Variants in CREB5 observed in about 807,000 individuals in gnomAD.
The protein encoded by CREB5 is cyclic AMP-responsive element-binding protein 5.
CREB5 carries 19 observed loss-of-function variants against 57.1 expected under a neutral mutation model. The observed-to-expected ratio is 0.33, with a 90% CI of 0.23 to 0.49. The LOEUF is 0.49. CREB5 is among the 20% of genes least tolerant of loss of function. The pLI, the probability that CREB5 is intolerant of heterozygous loss-of-function variation, is 0.99. For missense variants in CREB5, 579 were observed against 671.6 expected (o/e 0.86, Z 1.52); for synonymous variants, 238 against 238.3 (o/e 1.00, Z 0.01).
At chr7:28,418,409 A>G (rs770432469) in intron 1 of CREB5, among the ~76,000 whole-genome samples, 6 of 152,194 alleles carry the variant, frequency 3.9e-5, no homozygotes, top group Non-Finnish European at 7.3e-5. Flanking sequence ...TGTGAAGTCT[A>G]CAGACAGAAT....
At position 28,374,843 on chromosome 7, in the gene CREB5, A is replaced by G. The variant is rs1341566071; in HGVS notation, c.-25+75402A>G. 3.3e-5 allele frequency among the ~76,000 whole-genome samples: 5 copies of G among 152,332 alleles called. No individual in the cohort carries two copies. In the East Asian group the frequency reaches 7.7e-4, roughly 23 times the overall value. On this transcript the variant is annotated intron_variant, in intron 1 of 9. Transcript: ENST00000396299. ...TCCCAGGTTCACCTCATGCCCAGGT[A>G]GCCCTTGATAGGAGGTCACTCAGTG... is the stretch of plus-strand genomic sequence containing the variant.
intron 7 of CREB5, among the ~76,000 whole-genome samples, chr7:28,763,158 CT>C (rs36062705): frequency 0.23 from 35,159 of 152,012 alleles, 5,024 homozygotes; most frequent in Non-Finnish European, 0.32. Flanking sequence ...TGAGTTTCTC[CT>C]GATTTTCTAT....
chr7:28,431,016 C>T (rs1788688957), intron 1 of CREB5, among the ~76,000 whole-genome samples: 1 of 152,144 alleles, frequency 6.6e-6, no homozygotes, highest in East Asian at 1.9e-4. Context: ...GGCTGTTGGC[C>T]TGAGACATTA....
At position 28,608,519 on chromosome 7, in the gene CREB5, C is replaced by T. The variant is rs184190897; in HGVS notation, c.464+37982C>T. Among the ~76,000 whole-genome samples the T allele has an allele frequency of 5.3e-5, 8 of 152,226 alleles. No individual in the cohort carries two copies. The East Asian group carries it at 7.7e-4, about 15-fold the overall frequency. ...GGTTGTTAAGGATGATGCTCTGAAA[C>T]TTCATATTATTCAGTCCCAGTCTCC... On this transcript the variant is annotated intron_variant, in intron 5 of 10. Transcript: ENST00000357727.
chr7:28,616,101 G>A (rs1200024681), intron 5 of CREB5, among the ~76,000 whole-genome samples: 1 of 152,146 alleles, frequency 6.6e-6, no homozygotes, highest in Non-Finnish European at 1.5e-5. Context: ...AGTTTAATAA[G>A]TTTCTCTGTT....
intron 1 of CREB5, among the ~76,000 whole-genome samples, chr7:28,466,366 G>GAAAGAAAA (rs1389561551): frequency 2.8e-4 from 43 of 152,278 alleles, no homozygotes; most frequent in African/African-American, 9.4e-4. Context: ...AATCAGTCTT[G>GAAAGAAAA]AAAGAAAAGT....
intron 7 of CREB5, among the ~76,000 whole-genome samples, chr7:28,776,783 G>C (rs1312247025): frequency 6.6e-6 from 1 of 152,148 alleles, no homozygotes; most frequent in African/African-American, 2.4e-5. Context: ...CATAAAAATG[G>C]GATCTGTTAT....
intron 3 of CREB5, among the ~76,000 whole-genome samples, chr7:28,502,240 T>G (rs1489447120): frequency 1.3e-5 from 2 of 152,216 alleles, no homozygotes; most frequent in Admixed American, 6.5e-5. Flanking sequence ...TTGTGATTGA[T>G]TATCGATCTT....
intron 4 of CREB5, 56 bp downstream of exon 4, chr7:28,507,793 G>A (rs1456755996): frequency 1.3e-5 from 20 of 1,550,548 alleles, no homozygotes; most frequent in African/African-American, 2.7e-5. Flanking sequence ...CTTCCACGAG[G>A]AAACTAGGTG....
chr7:28,684,937 G>A (rs1013004885), intron 5 of CREB5, among the ~76,000 whole-genome samples: 39 of 152,132 alleles, frequency 2.6e-4, no homozygotes, highest in African/African-American at 9.2e-4. Flanking sequence ...TGTCATTGTC[G>A]TGGTGGAGCC....
intron 5 of CREB5, among the ~76,000 whole-genome samples, chr7:28,591,922 T>A (rs941210207): frequency 6.6e-6 from 1 of 152,058 alleles, no homozygotes; most frequent in African/African-American, 2.4e-5. Context: ...CCTGAGGGGG[T>A]ATTCTGAGAT....
intron 7 of CREB5, among the ~76,000 whole-genome samples, chr7:28,738,115 A>G (rs1804133138): frequency 6.6e-6 from 1 of 152,206 alleles, no homozygotes. Flanking sequence ...AGAAATATAT[A>G]TTAAATTCCA....
intron 1 of CREB5, among the ~76,000 whole-genome samples, chr7:28,352,987 A>G (rs1423224060): frequency 1.3e-5 from 2 of 152,184 alleles, no homozygotes; most frequent in Admixed American, 6.5e-5. Context: ...AGGACCCTGG[A>G]GTCAGTTGAA....
intron 1 of CREB5, among the ~76,000 whole-genome samples, chr7:28,400,517 T>C (rs1158978034): frequency 6.6e-6 from 1 of 152,174 alleles, no homozygotes; most frequent in East Asian, 1.9e-4. Flanking sequence ...TGCAGTCTCT[T>C]TAAGTGTCAA....
intron 1 of CREB5, among the ~76,000 whole-genome samples, chr7:28,316,664 T>C (rs1032999138): frequency 9.2e-5 from 14 of 152,152 alleles, no homozygotes; most frequent in Non-Finnish European, 2.1e-4. Context: ...TTTACTCAAC[T>C]AGGGCATTTC....
At chr7:28,719,031 A>G (rs879592) in intron 6 of CREB5, 152 bp downstream of exon 6, 261,986 of 1,235,656 alleles carry the variant, frequency 0.21, 28,177 homozygotes, top group Admixed American at 0.24. Flanking sequence ...TTTTGCTTTG[A>G]GGGCCCAGTT....
chr7:28,815,949 T>C (rs1378979698), intron 9 of CREB5, among the ~76,000 whole-genome samples: 1 of 152,126 alleles, frequency 6.6e-6, no homozygotes, highest in African/African-American at 2.4e-5. Flanking sequence ...AGCTGAGAGC[T>C]TCTACTCAGG....
intron 4 of CREB5, among the ~76,000 whole-genome samples, chr7:28,518,365 A>C (rs1259696444): frequency 1.3e-5 from 2 of 152,220 alleles, no homozygotes; most frequent in Non-Finnish European, 2.9e-5. Flanking sequence ...GATTGACTAC[A>C]GGTGATGCAG....
chr7:28,747,062 A>G (rs1260062259), intron 7 of CREB5, among the ~76,000 whole-genome samples: 1 of 151,454 alleles, frequency 6.6e-6, no homozygotes, highest in African/African-American at 2.4e-5. Context: ...CTTCTCAATC[A>G]TTTAGAAAAA....
Sources: gnomAD v4.1 joint callset for allele counts (sites outside exome capture counted in the v4.1 genomes callset) on GRCh38, gnomAD v4.1.1 for gene constraint, MANE v1.5 for transcripts, NCBI Gene and HGNC (gene_info 2026-07-23, HGNC 2026-07-21) for gene names.